Variants in SLC13A3 observed in about 807,000 individuals in gnomAD.
The protein encoded by SLC13A3 is Na(+)/dicarboxylate cotransporter 3.
A neutral mutation model predicts 59.0 loss-of-function variants in SLC13A3; 40 were observed. The observed-to-expected ratio is 0.68, with a 90% CI of 0.53 to 0.88. SLC13A3 has a LOEUF of 0.88. Ranked by LOEUF, SLC13A3 falls within the 40% of genes least tolerant of loss-of-function variation. The pLI is 0.00. For missense variants in SLC13A3, 699 were observed against 783.2 expected (o/e 0.89, Z 1.28); for synonymous variants, 317 against 330.3 (o/e 0.96, Z 0.44).
rs191869862 is a variant in SLC13A3 at position 46,586,126 on chromosome 20, T to A, written c.1121+1933A>T. On this transcript the variant is annotated intron_variant, in intron 8 of 12. Coordinates refer to ENST00000279027, the MANE Select transcript of SLC13A3 (RefSeq NM_022829.6). ...CATATTAGTTTCATCTGTTTTTCACTTTTTTAATATAGCTACCAAAAAATT... is the reference window on the plus strand; with the variant it reads ...CATATTAGTTTCATCTGTTTTTCACATTTTTAATATAGCTACCAAAAAATT... Among the ~76,000 whole-genome samples, 57 of 152,358 alleles carry A rather than the reference T, an allele frequency of 3.7e-4. 1 individual carries two copies. In the East Asian group the frequency reaches 9.0e-3, roughly 24 times the overall value.
intron 1 of SLC13A3, among the ~76,000 whole-genome samples, chr20:46,624,232 T>C (rs2062645274): frequency 6.6e-6 from 1 of 152,240 alleles, no homozygotes; most frequent in Non-Finnish European, 1.5e-5. Flanking sequence ...CTGGAGGCTC[T>C]AGTTCTTCCT....
At chr20:46,663,004 T>C (rs1219159481) in intron 1 of SLC13A3, among the ~76,000 whole-genome samples, 6 of 152,152 alleles carry the variant, frequency 3.9e-5, no homozygotes, top group Non-Finnish European at 8.8e-5. Context: ...ATAATCTGCT[T>C]GGGGGCTGGG....
intron 3 of SLC13A3, 84 bp downstream of exon 3, chr20:46,610,362 G>T: frequency 7.3e-7 from 1 of 1,376,890 alleles, no homozygotes; most frequent in Non-Finnish European, 1.0e-6. Context: ...GCATGCCCTT[G>T]GCCTTCCCTA....
intron 3 of SLC13A3, among the ~76,000 whole-genome samples, chr20:46,605,413 C>T (rs138828040): frequency 2.7e-4 from 41 of 152,272 alleles, no homozygotes; most frequent in African/African-American, 3.6e-4. Flanking sequence ...CCCAGAGAGA[C>T]TTCTCTGGGT....
intron 1 of SLC13A3, among the ~76,000 whole-genome samples, chr20:46,656,522 A>G (rs1443584006): frequency 7.0e-6 from 1 of 142,566 alleles, no homozygotes; most frequent in African/African-American, 2.5e-5. Flanking sequence ...TATACTGTAT[A>G]TGATATATAC....
chr20:46,582,989 ACACTTC>A, intron 9 of SLC13A3: 1 of 985,550 alleles, frequency 1.0e-6, no homozygotes, highest in Non-Finnish European at 1.2e-6. Context: ...TCAGTCCCCA[ACACTTC>A]CTATACGGTT....
Position 46,559,832 on chromosome 20 carries a change from T to C in SLC13A3, c.*190A>G. 1 of 573,214 alleles carries C rather than the reference T, an allele frequency of 1.7e-6. No homozygotes were observed. Among genetic ancestry groups the C allele is most frequent in the Non-Finnish European group, 3.1e-6 (1 of 326,016 alleles). The allele number at this position is 573,214 out of a possible 1,614,324, so 35.5% of individuals were successfully genotyped here. On this transcript the variant is annotated 3_prime_UTR_variant, in exon 13 of 13. Transcript: ENST00000279027. ...TCTGAGAGATACCTGGGCTTTGAAC[T>C]GCATGAAAGAGAGAGAAAGTATCCT...
intron 1 of SLC13A3, among the ~76,000 whole-genome samples, chr20:46,618,008 A>G (rs1421870240): frequency 6.6e-6 from 1 of 152,186 alleles, no homozygotes; most frequent in East Asian, 1.9e-4. Flanking sequence ...TTCCCACAGA[A>G]GCCCAGACAT....
intron 1 of SLC13A3, among the ~76,000 whole-genome samples, chr20:46,622,691 A>G (rs1051783129): frequency 7.3e-5 from 11 of 151,692 alleles, no homozygotes; most frequent in African/African-American, 2.4e-4. Flanking sequence ...GAATAGCAAC[A>G]AAGTTACAAA....
At chr20:46,656,363 T>C (rs2062992163), upstream of SLC13A3, among the ~76,000 whole-genome samples, 1 of 74,828 alleles carries the variant, frequency 1.3e-5, no homozygotes, top group Non-Finnish European at 2.7e-5. Context: ...GTATATGATA[T>C]ACTATACAGT....
intron 3 of SLC13A3, among the ~76,000 whole-genome samples, chr20:46,604,954 G>A (rs1242963077): frequency 6.6e-6 from 1 of 152,200 alleles, no homozygotes; most frequent in Non-Finnish European, 1.5e-5. Flanking sequence ...CCTGGGTGCT[G>A]TGCAGGTGAT....
chr20:46,645,161 T>C (rs546730684), intron 1 of SLC13A3, among the ~76,000 whole-genome samples: 16 of 152,300 alleles, frequency 1.1e-4, no homozygotes, highest in African/African-American at 3.8e-4. Context: ...TTTCTCCCTC[T>C]GCTTCCATCA....
chr20:46,594,571 C>A (rs2062291199), intron 5 of SLC13A3, among the ~76,000 whole-genome samples: 1 of 152,140 alleles, frequency 6.6e-6, no homozygotes, highest in African/African-American at 2.4e-5. Context: ...TAGATCCTCC[C>A]CACACCTGAA....
intron 5 of SLC13A3, among the ~76,000 whole-genome samples, chr20:46,592,852 G>A (rs1171696475): frequency 6.6e-6 from 1 of 152,234 alleles, no homozygotes; most frequent in Non-Finnish European, 1.5e-5. Flanking sequence ...GCTCATTAAA[G>A]GGCTCAGCTG....
chr20:46,595,384 C>G (rs753602616), intron 5 of SLC13A3, among the ~76,000 whole-genome samples: 1 of 152,086 alleles, frequency 6.6e-6, no homozygotes, highest in Non-Finnish European at 1.5e-5. Flanking sequence ...AAAGCAGGAA[C>G]ATCTTTCTTT....
intron 12 of SLC13A3, among the ~76,000 whole-genome samples, chr20:46,561,041 A>C (rs2061926302): frequency 1.3e-5 from 2 of 152,204 alleles, no homozygotes; most frequent in Admixed American, 1.3e-4. Context: ...CAAACTGGGA[A>C]CTACTTAGGG....
chr20:46,561,091 A>T (rs1024059844), intron 12 of SLC13A3, among the ~76,000 whole-genome samples: 9 of 152,190 alleles, frequency 5.9e-5, no homozygotes, highest in Admixed American at 2.0e-4. Flanking sequence ...CCCTCTGCTC[A>T]CTGAGTTGAA....
rs981043646 is a variant in SLC13A3, at chr20:46,559,743, G to T, written c.*279C>A. ...ATTTGCTCACTGTTGATGACACTGGGCTGTCTTGTATCCTAATGATAAAAC... is the reference window on the plus strand; with the variant it reads ...ATTTGCTCACTGTTGATGACACTGGTCTGTCTTGTATCCTAATGATAAAAC... On this transcript the variant is annotated 3_prime_UTR_variant, in exon 13 of 13. Coordinates refer to ENST00000279027, the MANE Select transcript of SLC13A3 (RefSeq NM_022829.6). 8 of 373,492 alleles carry T rather than the reference G, an allele frequency of 2.1e-5. No homozygotes were observed. The highest frequency in any genetic ancestry group is 4.2e-5 in the South Asian group (1 of 24,002). 23.1% of individuals were successfully genotyped at this position (373,492 alleles called of 1,614,324 possible).
chr20:46,590,909 T>C (rs2062247338), intron 6 of SLC13A3, among the ~76,000 whole-genome samples: 1 of 151,728 alleles, frequency 6.6e-6, no homozygotes, highest in East Asian at 1.9e-4. Flanking sequence ...CTCATGCCTG[T>C]AATCCCAGCT....
Sources: gnomAD v4.1 joint callset for allele counts (sites outside exome capture counted in the v4.1 genomes callset) on GRCh38, gnomAD v4.1.1 for gene constraint, MANE v1.5 for transcripts, NCBI Gene and HGNC (gene_info 2026-07-23, HGNC 2026-07-21) for gene names.